HRNR: variants seen among roughly 807,000 people sequenced by gnomAD.
HRNR encodes the protein filaggrin family member 3.
In HRNR, 7 loss-of-function variants were observed where a neutral mutation model predicts 4.8. That is an observed-to-expected ratio of 1.47 (90% CI 0.83 to 2.75). HRNR has a LOEUF of 2.75. HRNR is among the 30% of genes most tolerant of loss of function. The pLI, the probability that HRNR is intolerant of heterozygous loss-of-function variation, is 0.00. For missense variants in HRNR, 2,879 were observed against 3,010.4 expected (o/e 0.96, Z 1.02); for synonymous variants, 1,023 against 1,242.7 (o/e 0.82, Z 3.72).
chr1:152,218,988 C>T lies in HRNR; in HGVS notation c.2641G>A (p.Gly881Ser), dbSNP rs115796801. The stretch of plus-strand genomic sequence containing the variant: ...TGGCCAGATCCAGAGCCATGTCGGC[C>T]GCGGCCCGAAGCGTGATGGGAGGCA... ...ESASHHASGR[G>S]RHGSGSGQSP... Residue 881 changes from glycine to serine, a missense_variant, in exon 3 of 3, where the codon GGC becomes AGC. Gly to Ser is a moderately conservative substitution (Grantham distance 56, BLOSUM62 0). This residue lies in a region of HRNR where 2,646 missense variants were observed against 1,377.7 expected (regional missense o/e 1.92). Transcript: ENST00000368801. 948 of 1,613,944 alleles carry T rather than the reference C, an allele frequency of 5.9e-4. 3 individuals are homozygous for T. In the African/African-American group the frequency reaches 0.01, roughly 17 times the overall value.
In HRNR at chr1:152,221,224, T is replaced by G. The variant is rs753697176; in HGVS notation, c.405A>C (p.Gly135=). 29 of 1,614,084 alleles carry G rather than the reference T, an allele frequency of 1.8e-5. No homozygotes were observed. The highest frequency in any genetic ancestry group is 2.3e-5 in the Non-Finnish European group (27 of 1,180,048). Residue 135 remains glycine (G), a synonymous_variant, in exon 3 of 3, where the codon GGA becomes GGC. Coordinates refer to ENST00000368801, the MANE Select transcript of HRNR (RefSeq NM_001009931.3). The part of the protein sequence containing the change: ...SSFSHSSWSA[G]ENDSYSRNVR... ...CGTTTCTGGAATAGGAATCATTCTC[T>G]CCTGCACTCCAACTTGAATGACTAA...
In HRNR at chr1:152,218,706, A is replaced by G; in HGVS notation, c.2923T>C (p.Ser975Pro). The change falls in exon 3 of 3, where the codon TCT (serine) becomes CCT (proline). Residue 975 changes from serine to proline, a missense_variant. Around this residue, in one of 8 missense-constraint regions of HRNR, gnomAD observed 2,646 missense variants for 1,377.7 expected, o/e 1.92. Coordinates refer to ENST00000368801, the MANE Select transcript of HRNR (RefSeq NM_001009931.3). Reference sequence around the variant, plus strand: ...TAGCTGGAAGACGAACCTGAGCTAGATCCATGTTGTTCGCTCCTAGATGAC... The same window carrying G: ...TAGCTGGAAGACGAACCTGAGCTAGGTCCATGTTGTTCGCTCCTAGATGAC... ...GQSSRSEQHG[S>P]SSGSSSSYGQ... 2.5e-6 allele frequency: 4 copies of G among 1,613,624 alleles called. No homozygotes were observed. Among genetic ancestry groups the G allele is most frequent in the Non-Finnish European group, 3.4e-6 (4 of 1,179,952 alleles).
At position 152,219,774 on chromosome 1, in the gene HRNR, G is replaced by C; in HGVS notation, c.1855C>G (p.Gln619Glu). Residue 619 changes from glutamine to glutamate, a missense_variant, in exon 3 of 3, where the codon CAG becomes GAG. By Grantham distance (29) the Gln-to-Glu change is conservative (BLOSUM62 2). Coordinates refer to ENST00000368801, the MANE Select transcript of HRNR (RefSeq NM_001009931.3). Reference protein sequence around the residue: ...THGQHGSTSGQSSSCGQHGAT... With the variant: ...THGQHGSTSGESSSCGQHGAT... ...CCATGTTGGCCACAGCTCGATGACT[G>C]TCCTGATGTAGAACCATGTTGCCCA... The C allele has an allele frequency of 6.2e-7, 1 of 1,613,438 alleles. No individual in the cohort carries two copies. Among genetic ancestry groups the C allele is most frequent in the South Asian group, 1.1e-5 (1 of 91,066 alleles).
rs868723089 is a variant in HRNR, at chr1:152,219,228, A to G, written c.2401T>C (p.Ser801Pro). The G allele has an allele frequency of 1.2e-6, 2 of 1,613,786 alleles. No homozygotes were observed. Among genetic ancestry groups the G allele is most frequent in the Non-Finnish European group, 1.7e-6 (2 of 1,179,920 alleles). The change falls in exon 3 of 3, where the codon TCT (serine) becomes CCT (proline). Residue 801 changes from serine (S) to proline (P), a missense_variant. Physicochemically the swap from Ser to Pro is moderately conservative, Grantham distance 74. Around this residue, in one of 8 missense-constraint regions of HRNR, gnomAD observed 2,646 missense variants for 1,377.7 expected, o/e 1.92. Transcript: ENST00000368801. ...HGQHGSGTSC[S>P]SSCGHYESGS... is the part of the protein sequence containing the mutation. ...GACTCATAATGGCCACAGCTGGAAG[A>G]ACAACTTGTGCCAGACCCGTGTTGG...
In HRNR at chr1:152,219,854, C is replaced by A. The variant is rs769437152; in HGVS notation, c.1775G>T (p.Gly592Val). ...GTGTTGACCGTAGCCAGAGGACTGTCCTGAGCGAGACTCTTGGTGACCTAA... is the reference window on the plus strand; with the variant it reads ...GTGTTGACCGTAGCCAGAGGACTGTACTGAGCGAGACTCTTGGTGACCTAA... ...SGLGHQESRS[G>V]QSSGYGQHGS... Residue 592 changes from glycine to valine, a missense_variant, in exon 3 of 3, where the codon GGA becomes GTA. Physicochemically the swap from Gly to Val is moderately radical, Grantham distance 109 (BLOSUM62 -3). Coordinates refer to ENST00000368801, the MANE Select transcript of HRNR (RefSeq NM_001009931.3). 3.8e-5 allele frequency: 62 copies of A among 1,612,384 alleles called. 1 individual carries two copies. The Admixed American group carries it at 1.0e-3, about 27-fold the overall frequency.
Position 152,220,467 on chromosome 1 carries a change from C to G in HRNR, c.1162G>C (p.Gly388Arg). The G allele has an allele frequency of 6.2e-7, 1 of 1,612,122 alleles. No individual in the cohort carries two copies. The highest frequency in any genetic ancestry group is 8.5e-7 in the Non-Finnish European group (1 of 1,178,910). ...GSTSGQASSS[G>R]QHGSSSRQSS... ...TGACGTGAGCTGGAGCCATGTTGGC[C>G]AGAGCTTGATGCCTGCCCTGACGTA... The change falls in exon 3 of 3, where the codon GGC becomes CGC. Residue 388 changes from glycine (G) to arginine (R), a missense_variant. Transcript: ENST00000368801.
chr1:152,218,876 C>T lies in HRNR; in HGVS notation c.2753G>A (p.Ser918Asn), dbSNP rs778245983. Residue 918 changes from serine (S) to asparagine (N), a missense_variant, in exon 3 of 3, where the codon AGC (serine) becomes AAC (asparagine). By Grantham distance (46) the Ser-to-Asn change is conservative. Coordinates refer to ENST00000368801, the MANE Select transcript of HRNR (RefSeq NM_001009931.3). ...RHGSGSGRSS[S>N]SGRHGSGSGQ... The stretch of plus-strand genomic sequence containing the variant: ...TGAGCCAGACCCATGTCGGCCACTG[C>T]TGGAAGACCGACCGGAGCCAGACCC... The T allele has an allele frequency of 4.3e-6, 7 of 1,613,978 alleles. No individual in the cohort carries two copies. The highest frequency in any genetic ancestry group is 2.2e-5 in the South Asian group (2 of 91,046).
Position 152,221,261 on chromosome 1 carries a change from T to C in HRNR, c.368A>G (p.Gln123Arg). 1 of 1,614,108 alleles carries C rather than the reference T, an allele frequency of 6.2e-7. No homozygotes were observed. Among genetic ancestry groups the C allele is most frequent in the Non-Finnish European group, 8.5e-7 (1 of 1,180,028 alleles). ...ACTTGAATGACTAAAAGAGGATTCT[T>C]GCCGTTTGTTCTCCTCTTTTTCAGT... is the stretch of plus-strand genomic sequence containing the variant. The part of the protein sequence containing the change: ...EETEKEENKR[Q>R]ESSFSHSSWS... The change falls in exon 3 of 3, where the codon CAA (glutamine) becomes CGA (arginine). Residue 123 changes from glutamine to arginine, a missense_variant. This residue lies in a region of HRNR where 2,646 missense variants were observed against 1,377.7 expected (regional missense o/e 1.92). Coordinates refer to ENST00000368801, the MANE Select transcript of HRNR (RefSeq NM_001009931.3).
chr1:152,221,186 A>G lies in HRNR; in HGVS notation c.443T>C (p.Leu148Pro). Residue 148 changes from leucine to proline, a missense_variant, in exon 3 of 3, where the codon CTT becomes CCT. Leu to Pro is a moderately conservative substitution (Grantham distance 98). Around this residue, in one of 8 missense-constraint regions of HRNR, gnomAD observed 2,646 missense variants for 1,377.7 expected, o/e 1.92. Coordinates refer to ENST00000368801, the MANE Select transcript of HRNR (RefSeq NM_001009931.3). The part of the protein sequence containing the change: ...DSYSRNVRGS[L>P]KPGTESISRR... ...GGATATGGATTCAGTCCCAGGTTTA[A>G]GACTTCCTCTGACGTTTCTGGAATA... 6.2e-7 allele frequency: 1 copy of G among 1,614,206 alleles called. No homozygotes were observed. The highest frequency in any genetic ancestry group is 8.5e-7 in the Non-Finnish European group (1 of 1,180,030).
Position 152,219,132 on chromosome 1 carries a change from A to G in HRNR, c.2497T>C (p.Ser833Pro), listed in dbSNP as rs540196080. ...TGGCTAGAGAAGTGACCTGAGGCAG[A>G]ACCATGCTGACTATAGCCCTGTCCT... ...GSGQGYSQHG[S>P]ASGHFSSQGR... Residue 833 changes from serine to proline, a missense_variant, in exon 3 of 3, where the codon TCT becomes CCT. Ser to Pro is a moderately conservative substitution (Grantham distance 74, BLOSUM62 -1). Coordinates refer to ENST00000368801, the MANE Select transcript of HRNR (RefSeq NM_001009931.3). 2 of 1,613,570 alleles carry G rather than the reference A, an allele frequency of 1.2e-6. No individual in the cohort carries two copies. Among genetic ancestry groups the G allele is most frequent in the South Asian group, 1.1e-5 (1 of 91,052 alleles).
rs1246854990 is a variant in HRNR, at chr1:152,224,160, C to T, written c.-43G>A. On this transcript the variant is annotated 5_prime_UTR_variant, in exon 1 of 3. Transcript: ENST00000368801. ...TCACTTACCTAGCTCACCAGAGGAA[C>T]AAGTAGGGTAGAGACAGAAACAGCT... The T allele has an allele frequency of 2.6e-5, 4 of 152,078 alleles. No individual in the cohort carries two copies. Among genetic ancestry groups the T allele is most frequent in the Non-Finnish European group, 5.9e-5 (4 of 68,022 alleles). The allele number at this position is 152,078 out of a possible 1,614,324, so 9.4% of individuals were successfully genotyped here. A position where few individuals can be genotyped will look rare whatever the true frequency, so the allele number is the denominator to read the frequency against.
Position 152,219,171 on chromosome 1 carries a change from G to T in HRNR, c.2458C>A (p.His820Asn), listed in dbSNP as rs531558959. The change falls in exon 3 of 3, where the codon CAC becomes AAC. Residue 820 changes from histidine (H) to asparagine (N), a missense_variant. Transcript: ENST00000368801. ...TAGCCCTGTCCTGAGCCAGACTCGT[G>T]TTGCCCAAAACCAGAAGCCTGGCCT... ...GSGQASGFGQ[H>N]ESGSGQGYSQ... The T allele has an allele frequency of 2.7e-5, 43 of 1,613,312 alleles. No homozygotes were observed. The highest frequency in any genetic ancestry group is 6.6e-5 in the South Asian group (6 of 91,040).
rs6666097 is a variant in HRNR, at chr1:152,220,349, C to T, written c.1280G>A (p.Gly427Asp). Reference protein sequence around the residue: ...SSGSGQSPGHGQRGSGSGQSP... With the variant: ...SSGSGQSPGHDQRGSGSGQSP... ...CTGCCCTGACCCAGACCCACGCTGG[C>T]CGTGGCCTGGAGACTGGCCAGATCC... Residue 427 changes from glycine (G) to aspartate (D), a missense_variant, in exon 3 of 3, where the codon GGC becomes GAC. This residue lies in a region of HRNR where 2,646 missense variants were observed against 1,377.7 expected (regional missense o/e 1.92). Coordinates refer to ENST00000368801, the MANE Select transcript of HRNR (RefSeq NM_001009931.3). 894,451 of 1,613,652 alleles carry T rather than the reference C, an allele frequency of 0.55. 257,736 individuals are homozygous for T. Among genetic ancestry groups the T allele is most frequent in the Non-Finnish European group, 0.6 (712,718 of 1,179,828 alleles).
rs201235451 is a variant in HRNR, at chr1:152,218,561, C to T, written c.3068G>A (p.Ser1023Asn). 55 of 1,613,918 alleles carry T rather than the reference C, an allele frequency of 3.4e-5. No homozygotes were observed. In the East Asian group the frequency reaches 1.1e-3, roughly 33 times the overall value. ...RHGSGSGQSS[S>N]YGPYRSGSGW... ...TGAGCCAGACCTATATGGGCCATAG[C>T]TGGAAGACTGCCCGGAACCAGACCC... Residue 1023 changes from serine (S) to asparagine (N), a missense_variant, in exon 3 of 3, where the codon AGC (serine) becomes AAC (asparagine). Coordinates refer to ENST00000368801, the MANE Select transcript of HRNR (RefSeq NM_001009931.3).
chr1:152,218,750 T>G lies in HRNR; in HGVS notation c.2879A>C (p.His960Pro). 6.2e-7 allele frequency: 1 copy of G among 1,613,622 alleles called. No individual in the cohort carries two copies. ...GSGHSSSYEQ[H>P]GSRSGQSSRS... ...AGATGACTGTCCTGACCTAGAGCCGTGTTGTTCGTAGCTGGAGGAGTGACC... is the reference window on the plus strand; with the variant it reads ...AGATGACTGTCCTGACCTAGAGCCGGGTTGTTCGTAGCTGGAGGAGTGACC... The change falls in exon 3 of 3, where the codon CAC becomes CCC. Residue 960 changes from histidine (H) to proline (P), a missense_variant. Physicochemically the swap from His to Pro is moderately conservative, Grantham distance 77. This residue lies in a region of HRNR where 2,646 missense variants were observed against 1,377.7 expected (regional missense o/e 1.92). Transcript: ENST00000368801.
At position 152,219,310 on chromosome 1, in the gene HRNR, G is replaced by A. The variant is rs1409635492; in HGVS notation, c.2319C>T (p.Gly773=). The part of the protein sequence containing the change: ...SGHGRQGSGS[G]HSPSRVRHGS... ...CATGTCGGACACGGCTAGGAGAGTG[G>A]CCAGATCCAGACCCTTGTCGGCCGT... Residue 773 remains glycine, a synonymous_variant, in exon 3 of 3, where the codon GGC becomes GGT. Transcript: ENST00000368801. The A allele has an allele frequency of 6.2e-7, 1 of 1,613,438 alleles. No homozygotes were observed. Among genetic ancestry groups the A allele is most frequent in the Non-Finnish European group, 8.5e-7 (1 of 1,179,940 alleles).
chr1:152,219,624 A>G lies in HRNR; in HGVS notation c.2005T>C (p.Phe669Leu), dbSNP rs765119813. ...TGGCCGTAGCTGGAAGAGTGCCCAA[A>G]ATCGGACCCATGTCGGCCGCGACTA... Reference protein sequence around the residue: ...SPSRGRHGSDFGHSSSYGQHG... With the variant: ...SPSRGRHGSDLGHSSSYGQHG... Residue 669 changes from phenylalanine to leucine, a missense_variant, in exon 3 of 3, where the codon TTT (phenylalanine) becomes CTT (leucine). Phe to Leu is a conservative substitution (Grantham distance 22). Around this residue, in one of 8 missense-constraint regions of HRNR, gnomAD observed 2,646 missense variants for 1,377.7 expected, o/e 1.92. Transcript: ENST00000368801. The G allele has an allele frequency of 1.2e-6, 2 of 1,610,246 alleles. No homozygotes were observed. Among genetic ancestry groups the G allele is most frequent in the South Asian group, 1.1e-5 (1 of 90,806 alleles).
Position 152,218,570 on chromosome 1 carries a change from T to A in HRNR, c.3059A>T (p.Gln1020Leu). 2 of 1,612,684 alleles carry A rather than the reference T, an allele frequency of 1.2e-6. No homozygotes were observed. Among genetic ancestry groups the A allele is most frequent in the Non-Finnish European group, 1.7e-6 (2 of 1,179,638 alleles). ...SRGRHGSGSGQSSSYGPYRSG... is the reference protein window; with the variant it reads ...SRGRHGSGSGLSSSYGPYRSG... ...CCTATATGGGCCATAGCTGGAAGAC[T>A]GCCCGGAACCAGACCCATGTCGGCC... The change falls in exon 3 of 3, where the codon CAG (glutamine) becomes CTG (leucine). Residue 1020 changes from glutamine (Q) to leucine (L), a missense_variant. This residue lies in a region of HRNR where 2,646 missense variants were observed against 1,377.7 expected (regional missense o/e 1.92). Transcript: ENST00000368801.
In HRNR at chr1:152,219,941, T is replaced by G. The variant is rs150531413; in HGVS notation, c.1688A>C (p.Tyr563Ser). The change falls in exon 3 of 3, where the codon TAT becomes TCT. Residue 563 changes from tyrosine (Y) to serine (S), a missense_variant. Transcript: ENST00000368801. Reference sequence around the variant, plus strand: ...ACGGCTTGAAGACCTCCCTGAGCCATACCCATGTGGGCCATAGCTGGAAGA... The same window carrying G: ...ACGGCTTGAAGACCTCCCTGAGCCAGACCCATGTGGGCCATAGCTGGAAGA... ...RQSSSYGPHG[Y>S]GSGRSSSRGP... 1.3e-4 allele frequency: 206 copies of G among 1,604,146 alleles called. No individual in the cohort carries two copies. In the African/African-American group the frequency reaches 2.7e-3, roughly 21 times the overall value.
Sources: allele counts gnomAD v4.1 joint callset, GRCh38; gene constraint gnomAD v4.1.1; regional missense constraint gnomAD v4.1.1; transcripts MANE v1.5; gene names NCBI Gene and HGNC (gene_info 2026-07-23, HGNC 2026-07-21).